IGSF21: variants seen among roughly 807,000 people sequenced by gnomAD.
IGSF21 encodes the protein immunoglobulin superfamily member 21.
A neutral mutation model predicts 46.8 loss-of-function variants in IGSF21; 28 were observed. The observed-to-expected ratio is 0.60, with a 90% CI of 0.44 to 0.82. IGSF21 has a LOEUF of 0.82. Ranked by LOEUF, IGSF21 falls within the 40% of genes least tolerant of loss-of-function variation. The pLI is 0.00. For synonymous variants in IGSF21, 284 were observed against 273.6 expected (o/e 1.04, Z -0.38); for missense variants, 624 against 665.5 (o/e 0.94, Z 0.69).
At chr1:18,164,654 C>G (rs937871714) in intron 1 of IGSF21, among the ~76,000 whole-genome samples, 1 of 151,984 alleles carries the variant, frequency 6.6e-6, no homozygotes, top group Non-Finnish European at 1.5e-5. Flanking sequence ...TATTGATGGG[C>G]AATTTGTATT....
In IGSF21 at chr1:18,376,796, A is replaced by G; in HGVS notation, c.1102-4A>G. Reference sequence around the variant, plus strand: ...ACCCACCTCTCCCCTGATCTGGCCAACAGAACGAAGTCTTCCCGGAGCCCA... The same window carrying G: ...ACCCACCTCTCCCCTGATCTGGCCAGCAGAACGAAGTCTTCCCGGAGCCCA... On this transcript the variant is annotated splice_region_variant and splice_polypyrimidine_tract_variant and intron_variant, in intron 7 of 9. Coordinates refer to ENST00000251296, the MANE Select transcript of IGSF21 (RefSeq NM_032880.5). The G allele has an allele frequency of 6.3e-7, 1 of 1,580,970 alleles. No homozygotes were observed.
chr1:18,158,257 C>T (rs1159001065), intron 1 of IGSF21, among the ~76,000 whole-genome samples: 4 of 152,174 alleles, frequency 2.6e-5, no homozygotes, highest in South Asian at 2.1e-4. Flanking sequence ...CACCCTCAGC[C>T]GGAGCAGAAG....
intron 2 of IGSF21, among the ~76,000 whole-genome samples, chr1:18,234,852 G>GA (rs2084658856): frequency 6.6e-6 from 1 of 152,016 alleles, no homozygotes; most frequent in Admixed American, 6.5e-5. Context: ...CAACCCCAAG[G>GA]AAAACTCCAC....
At chr1:18,294,242 G>A (rs1387243168) in intron 3 of IGSF21, among the ~76,000 whole-genome samples, 1 of 152,320 alleles carries the variant, frequency 6.6e-6, no homozygotes, top group East Asian at 1.9e-4. Context: ...CAAGTTGTGA[G>A]GAGCTGATGG....
chr1:18,330,515 G>T, intron 3 of IGSF21, among the ~76,000 whole-genome samples: 1 of 151,752 alleles, frequency 6.6e-6, no homozygotes, highest in East Asian at 1.9e-4. Flanking sequence ...AGGGGCAGGG[G>T]CGAGAGAGAA....
intron 3 of IGSF21, among the ~76,000 whole-genome samples, chr1:18,323,133 T>C (rs75495397): frequency 0.024 from 3,578 of 152,250 alleles, 177 homozygotes; most frequent in East Asian, 0.16. Context: ...TAATTCAACA[T>C]TGGAAAAGAA....
At chr1:18,358,309 A>T (rs967394874) in intron 4 of IGSF21, among the ~76,000 whole-genome samples, 1 of 152,240 alleles carries the variant, frequency 6.6e-6, no homozygotes, top group African/African-American at 2.4e-5. Flanking sequence ...CCGCATTAAG[A>T]TAAGTTTAAA....
intron 1 of IGSF21, among the ~76,000 whole-genome samples, chr1:18,187,825 CAG>C: frequency 6.6e-6 from 1 of 152,278 alleles, no homozygotes; most frequent in South Asian, 2.1e-4. Context: ...GAGTACGTAA[CAG>C]GCAGTTATGT....
At chr1:18,144,851 G>A (rs913300446) in intron 1 of IGSF21, among the ~76,000 whole-genome samples, 1 of 152,100 alleles carries the variant, frequency 6.6e-6, no homozygotes. Flanking sequence ...ACTTCTCCGT[G>A]CCTCTATTTC....
intron 3 of IGSF21, among the ~76,000 whole-genome samples, chr1:18,325,392 C>A (rs894158738): frequency 2.0e-5 from 3 of 152,030 alleles, no homozygotes; most frequent in Non-Finnish European, 2.9e-5. Flanking sequence ...CAAGGGTAAA[C>A]AGATGGATGG....
chr1:18,193,590 C>T (rs919762602), intron 1 of IGSF21, among the ~76,000 whole-genome samples: 1 of 152,106 alleles, frequency 6.6e-6, no homozygotes, highest in Non-Finnish European at 1.5e-5. Flanking sequence ...GCCAGTCTAA[C>T]CTTTTCATGT....
At chr1:18,220,311 G>A (rs1462242854) in intron 1 of IGSF21, among the ~76,000 whole-genome samples, 6 of 152,070 alleles carry the variant, frequency 3.9e-5, no homozygotes, top group Non-Finnish European at 5.9e-5. Flanking sequence ...TTTCATGGGA[G>A]GCTGTTGGAT....
chr1:18,280,570 AT>A (rs1251534663), intron 2 of IGSF21, among the ~76,000 whole-genome samples: 1 of 152,186 alleles, frequency 6.6e-6, no homozygotes, highest in East Asian at 1.9e-4. Context: ...GAAGAACCCG[AT>A]TCATCCTCCA....
At chr1:18,300,658 A>T (rs1440188378) in intron 3 of IGSF21, among the ~76,000 whole-genome samples, 1 of 152,230 alleles carries the variant, frequency 6.6e-6, no homozygotes, top group Non-Finnish European at 1.5e-5. Context: ...CTCCTCAGGA[A>T]GTGAGGCCTT....
At chr1:18,123,118 A>G (rs1480043128) in intron 1 of IGSF21, among the ~76,000 whole-genome samples, 1 of 152,150 alleles carries the variant, frequency 6.6e-6, no homozygotes, top group East Asian at 1.9e-4. Flanking sequence ...CTGTGTGACT[A>G]TCCCACTCTC....
At chr1:18,211,482 A>T (rs1352161010) in intron 1 of IGSF21, among the ~76,000 whole-genome samples, 1 of 152,244 alleles carries the variant, frequency 6.6e-6, no homozygotes, top group East Asian at 1.9e-4. Context: ...CTTCCGTGCC[A>T]AAGCAAGGTA....
At chr1:18,331,313 G>A (rs2085710832) in intron 3 of IGSF21, among the ~76,000 whole-genome samples, 1 of 149,732 alleles carries the variant, frequency 6.7e-6, no homozygotes, top group Admixed American at 6.7e-5. Flanking sequence ...TTATGCCTTT[G>A]CATCCTCCTA....
At chr1:18,203,156 A>T (rs2087093469) in intron 1 of IGSF21, among the ~76,000 whole-genome samples, 1 of 152,178 alleles carries the variant, frequency 6.6e-6, no homozygotes, top group Non-Finnish European at 1.5e-5. Flanking sequence ...GTTTTACTGA[A>T]ACCTCATGGT....
chr1:18,311,083 T>G (rs902929629), intron 3 of IGSF21, among the ~76,000 whole-genome samples: 2 of 152,202 alleles, frequency 1.3e-5, no homozygotes, highest in Non-Finnish European at 1.5e-5. Context: ...ACAGATCTTT[T>G]GGGAGTGGGG....
Sources: gnomAD v4.1 joint callset for allele counts (sites outside exome capture counted in the v4.1 genomes callset) on GRCh38, gnomAD v4.1.1 for gene constraint, MANE v1.5 for transcripts, NCBI Gene and HGNC (gene_info 2026-07-23, HGNC 2026-07-21) for gene names.